DHRSX: variants seen among roughly 807,000 people sequenced by gnomAD.
DHRSX encodes dehydrogenase/reductase X-linked, also known as polyprenol dehydrogenase.
A neutral mutation model predicts 34.0 loss-of-function variants in DHRSX; 31 were observed. The observed-to-expected ratio is 0.91, with a 90% CI of 0.69 to 1.23. DHRSX has a LOEUF of 1.23. Ranked by LOEUF, DHRSX falls within the 50% of genes most tolerant of loss-of-function variation. The pLI, the probability that DHRSX is intolerant of heterozygous loss-of-function variation, is 0.00. For synonymous variants in DHRSX, 201 were observed against 183.8 expected (o/e 1.09, Z -0.76); for missense variants, 414 against 428.1 (o/e 0.97, Z 0.29).
intron 5 of DHRSX, among the ~76,000 whole-genome samples, chrX:2,255,411 C>T (rs925751221): frequency 8.6e-5 from 13 of 152,036 alleles, no homozygotes; most frequent in Non-Finnish European, 1.2e-4. Flanking sequence ...ACTCAAAACA[C>T]GTTACACAAC....
intron 3 of DHRSX, among the ~76,000 whole-genome samples, chrX:2,389,034 G>A (rs775000001): frequency 7.9e-5 from 12 of 152,312 alleles, no homozygotes; most frequent in Non-Finnish European, 1.5e-4. Flanking sequence ...GAGAGAATAA[G>A]TATCTTTTGT....
chrX:2,408,353 C>A (rs1445889283), intron 3 of DHRSX, among the ~76,000 whole-genome samples: 17 of 152,018 alleles, frequency 1.1e-4, no homozygotes, highest in Non-Finnish European at 1.9e-4. Flanking sequence ...GGATTACAGG[C>A]GCGAGCCACT....
intron 3 of DHRSX, among the ~76,000 whole-genome samples, chrX:2,388,105 A>G (rs1368544777): frequency 6.6e-6 from 1 of 151,850 alleles, no homozygotes; most frequent in Non-Finnish European, 1.5e-5. Context: ...AAAACAGGAG[A>G]AGGGAGTGGT....
intron 3 of DHRSX, among the ~76,000 whole-genome samples, chrX:2,344,426 G>C (rs1487814359): frequency 1.3e-5 from 2 of 152,042 alleles, no homozygotes; most frequent in Non-Finnish European, 2.9e-5. Context: ...AACCATTGTG[G>C]AAGACAGTGT....
At chrX:2,480,709 C>T (rs1358581923) in intron 1 of DHRSX, among the ~76,000 whole-genome samples, 1 of 151,946 alleles carries the variant, frequency 6.6e-6, no homozygotes, top group East Asian at 1.9e-4. Flanking sequence ...GTCCCAGCTA[C>T]CTGGGAGGCT....
At chrX:2,385,430 A>T (rs1436051738) in intron 3 of DHRSX, among the ~76,000 whole-genome samples, 2 of 152,064 alleles carry the variant, frequency 1.3e-5, no homozygotes, top group African/African-American at 2.4e-5. Context: ...TTCCATAGCC[A>T]CAGCAGGCAT....
chrX:2,467,787 C>T (rs2044519255), intron 1 of DHRSX, among the ~76,000 whole-genome samples: 1 of 151,902 alleles, frequency 6.6e-6, no homozygotes, highest in Admixed American at 6.6e-5. Flanking sequence ...CCAGCCTGAC[C>T]AACATGGAGA....
chrX:2,346,515 C>T (rs865820408), intron 3 of DHRSX, among the ~76,000 whole-genome samples: 7 of 151,988 alleles, frequency 4.6e-5, no homozygotes, highest in African/African-American at 1.4e-4. Flanking sequence ...TGAAGATAGC[C>T]CAAATCCTTC....
intron 4 of DHRSX, among the ~76,000 whole-genome samples, chrX:2,273,150 A>T (rs1418352000): frequency 6.6e-6 from 1 of 152,122 alleles, no homozygotes; most frequent in East Asian, 1.9e-4. Flanking sequence ...CCGAGATCGC[A>T]CCACTGCACT....
chrX:2,474,637 T>C (rs1291907437), intron 1 of DHRSX, among the ~76,000 whole-genome samples: 1 of 147,464 alleles, frequency 6.8e-6, no homozygotes, highest in East Asian at 2.0e-4. Context: ...ACCAAAGACG[T>C]TCCCTAACAA....
intron 6 of DHRSX, among the ~76,000 whole-genome samples, chrX:2,240,832 G>A (rs1293280968): frequency 2.0e-5 from 3 of 152,052 alleles, no homozygotes; most frequent in Non-Finnish European, 2.9e-5. Flanking sequence ...ATCCCGACTT[G>A]AGATAGATAG....
chrX:2,493,895 C>G (rs2045220021), intron 1 of DHRSX, among the ~76,000 whole-genome samples: 1 of 152,108 alleles, frequency 6.6e-6, no homozygotes. Context: ...TCGTTTGAAC[C>G]CGGGAAGCAG....
At chrX:2,239,552 C>T (rs769759771) in intron 6 of DHRSX, among the ~76,000 whole-genome samples, 1 of 151,448 alleles carries the variant, frequency 6.6e-6, no homozygotes, top group Non-Finnish European at 1.5e-5. Flanking sequence ...GTCAGGAGAT[C>T]AAGACCATCC....
intron 3 of DHRSX, among the ~76,000 whole-genome samples, chrX:2,315,975 C>T (rs943979074): frequency 6.6e-6 from 1 of 152,124 alleles, no homozygotes; most frequent in Non-Finnish European, 1.5e-5. Flanking sequence ...GATTCTCTTG[C>T]CTCAGCCTCC....
intron 3 of DHRSX, among the ~76,000 whole-genome samples, chrX:2,363,069 T>C (rs763590807): frequency 7.4e-6 from 1 of 135,252 alleles, no homozygotes; most frequent in Admixed American, 7.5e-5. Context: ...CGTTCTATGG[T>C]ATCATGCCAT....
At chrX:2,378,703 T>C (rs1286015230) in intron 3 of DHRSX, among the ~76,000 whole-genome samples, 1 of 151,972 alleles carries the variant, frequency 6.6e-6, no homozygotes, top group Admixed American at 6.6e-5. Flanking sequence ...AGAGTTGTGC[T>C]CTTGTCACCC....
intron 5 of DHRSX, among the ~76,000 whole-genome samples, chrX:2,248,622 A>AAAG (rs1221057029): frequency 7.3e-5 from 5 of 68,840 alleles, no homozygotes; most frequent in Non-Finnish European, 2.3e-4. Flanking sequence ...TCAAAAAAAA[A>AAAG]AAAAGAAAAA....
intron 1 of DHRSX, among the ~76,000 whole-genome samples, chrX:2,492,461 G>C (rs1415717704): frequency 2.7e-5 from 4 of 150,584 alleles, no homozygotes; most frequent in Non-Finnish European, 5.9e-5. Flanking sequence ...ATGGTGGATT[G>C]AACAGTGGCC....
At chrX:2,431,310 G>A (rs186809224) in intron 1 of DHRSX, among the ~76,000 whole-genome samples, 224 of 140,608 alleles carry the variant, frequency 1.6e-3, no homozygotes, top group African/African-American at 5.8e-3. Flanking sequence ...GGGCGACAGA[G>A]CTAGACTCCA....
Sources: allele counts gnomAD v4.1 joint callset (sites outside exome capture counted in the v4.1 genomes callset), GRCh38; gene constraint gnomAD v4.1.1; transcripts MANE v1.5; gene names NCBI Gene and HGNC (gene_info 2026-07-23, HGNC 2026-07-21).